The following MPPED2 variants were observed in gnomAD, a reference collection of about 807,000 sequenced individuals.
MPPED2 encodes metallophosphoesterase MPPED2.
MPPED2 carries 5 observed loss-of-function variants against 33.0 expected under a neutral mutation model. The ratio of observed to expected loss-of-function variants is 0.15; its 90% CI spans 0.08 to 0.32. The LOEUF (loss-of-function observed/expected upper bound fraction) is 0.32. Among genes scored for constraint, MPPED2 ranks in the 10% least tolerant of loss-of-function variants. The pLI is 1.00. For missense variants in MPPED2, 275 were observed against 372.1 expected (o/e 0.74, Z 2.15); for synonymous variants, 136 against 141.9 (o/e 0.96, Z 0.29).
intron 4 of MPPED2, among the ~76,000 whole-genome samples, chr11:30,421,319 G>A (rs565887523): frequency 6.6e-6 from 1 of 152,124 alleles, no homozygotes; most frequent in East Asian, 1.9e-4. Context: ...CAAACCTATG[G>A]TCTATATTTA....
chr11:30,396,271 C>T (rs1191379942), intron 6 of MPPED2, among the ~76,000 whole-genome samples: 1 of 152,086 alleles, frequency 6.6e-6, no homozygotes, highest in Non-Finnish European at 1.5e-5. Flanking sequence ...TTTTGAATGC[C>T]CCACCTGCAC....
intron 6 of MPPED2, among the ~76,000 whole-genome samples, chr11:30,392,570 G>A (rs77870334): frequency 1.0e-3 from 156 of 152,272 alleles, no homozygotes; most frequent in Non-Finnish European, 1.7e-3. Flanking sequence ...CCCCATCTGA[G>A]GTCGTTGGAA....
intron 3 of MPPED2, among the ~76,000 whole-genome samples, chr11:30,510,021 C>T (rs1349473062): frequency 1.3e-5 from 2 of 152,172 alleles, no homozygotes; most frequent in Non-Finnish European, 2.9e-5. Context: ...ACTGTGCCTA[C>T]AATCATGAAT....
chr11:30,540,687 C>A (rs1485023699), intron 2 of MPPED2, among the ~76,000 whole-genome samples: 1 of 152,160 alleles, frequency 6.6e-6, no homozygotes, highest in Non-Finnish European at 1.5e-5. Context: ...CAACACCCAG[C>A]ATATACTGGG....
chr11:30,391,040 C>A (rs1485576119), intron 6 of MPPED2, among the ~76,000 whole-genome samples: 2 of 152,050 alleles, frequency 1.3e-5, no homozygotes, highest in Admixed American at 1.3e-4. Context: ...TGCACAGGGG[C>A]CTGGATCCTG....
chr11:30,529,724 G>A (rs1669734869), intron 3 of MPPED2, among the ~76,000 whole-genome samples: 1 of 152,170 alleles, frequency 6.6e-6, no homozygotes, highest in African/African-American at 2.4e-5. Context: ...CTAAAGACCA[G>A]CTCCAAAACT....
intron 2 of MPPED2, among the ~76,000 whole-genome samples, chr11:30,571,715 T>TTCC (rs1956700847): frequency 1.3e-5 from 2 of 152,180 alleles, no homozygotes; most frequent in African/African-American, 4.8e-5. Context: ...CAAGACTCAG[T>TTCC]AAGCTTCTCC....
At chr11:30,564,262 A>C (rs1260137882) in intron 2 of MPPED2, among the ~76,000 whole-genome samples, 1 of 152,138 alleles carries the variant, frequency 6.6e-6, no homozygotes, top group Non-Finnish European at 1.5e-5. Context: ...CATTCAAGCA[A>C]ACATAGGCTT....
At chr11:30,554,648 C>T (rs1455797516) in intron 2 of MPPED2, among the ~76,000 whole-genome samples, 2 of 151,970 alleles carry the variant, frequency 1.3e-5, no homozygotes, top group Admixed American at 6.6e-5. Flanking sequence ...GGGCCTGCCA[C>T]GACGCCCAGC....
intron 3 of MPPED2, among the ~76,000 whole-genome samples, chr11:30,524,820 C>T (rs762330006): frequency 3.9e-5 from 6 of 151,946 alleles, no homozygotes; most frequent in Middle Eastern, 3.2e-3. Flanking sequence ...TATTTGGAGG[C>T]GATATATTTC....
intron 4 of MPPED2, among the ~76,000 whole-genome samples, chr11:30,418,952 A>T (rs1444164831): frequency 6.6e-6 from 1 of 152,210 alleles, no homozygotes; most frequent in African/African-American, 2.4e-5. Flanking sequence ...GTTCACGCTG[A>T]TATGGTGGAG....
intron 2 of MPPED2, among the ~76,000 whole-genome samples, chr11:30,573,760 C>T (rs1001319483): frequency 6.6e-6 from 1 of 152,160 alleles, no homozygotes; most frequent in Non-Finnish European, 1.5e-5. Context: ...GATTTTAGTG[C>T]ACCCATCACC....
At chr11:30,501,919 G>A (rs1283011186) in intron 3 of MPPED2, among the ~76,000 whole-genome samples, 1 of 152,174 alleles carries the variant, frequency 6.6e-6, no homozygotes, top group Non-Finnish European at 1.5e-5. Flanking sequence ...AGACAATCTA[G>A]TGGTTTGAAG....
intron 3 of MPPED2, among the ~76,000 whole-genome samples, chr11:30,512,541 G>A (rs1159974098): frequency 6.6e-6 from 1 of 152,092 alleles, no homozygotes; most frequent in African/African-American, 2.4e-5. Context: ...GAGGGATAAA[G>A]TTTTACCCCA....
At chr11:30,449,676 G>A (rs1949966232) in intron 4 of MPPED2, among the ~76,000 whole-genome samples, 1 of 152,108 alleles carries the variant, frequency 6.6e-6, no homozygotes, top group African/African-American at 2.4e-5. Context: ...TACAGGAAAA[G>A]TTATCTGTTC....
At position 30,481,279 on chromosome 11, in the gene MPPED2, T is replaced by C. The variant is rs548773380; in HGVS notation, c.536+14017A>G. Reference sequence around the variant, plus strand: ...TACACCACAGCCAGGTTACATAAGTTATATTTTCCATAAACTTTTCCTCCT... The same window carrying C: ...TACACCACAGCCAGGTTACATAAGTCATATTTTCCATAAACTTTTCCTCCT... On this transcript the variant is annotated intron_variant, in intron 4 of 6. Coordinates refer to ENST00000358117, the MANE Select transcript of MPPED2 (RefSeq NM_001584.3). Among the ~76,000 whole-genome samples, 4 of 152,250 alleles carry C rather than the reference T, an allele frequency of 2.6e-5. No individual in the cohort carries two copies. In the South Asian group the frequency reaches 8.3e-4, roughly 32 times the overall value.
At chr11:30,522,548 T>A (rs1953932504) in intron 3 of MPPED2, among the ~76,000 whole-genome samples, 1 of 152,102 alleles carries the variant, frequency 6.6e-6, no homozygotes, top group African/African-American at 2.4e-5. Context: ...AAATATTAAT[T>A]AAAAAATAAT....
chr11:30,570,666 T>C (rs1308962517), intron 2 of MPPED2, among the ~76,000 whole-genome samples: 2 of 152,200 alleles, frequency 1.3e-5, no homozygotes, highest in African/African-American at 4.8e-5. Context: ...GGCTAACTCT[T>C]TCAGTAAATT....
rs533902445 is a variant in MPPED2, at chr11:30,482,621, T to C, written c.536+12675A>G. On this transcript the variant is annotated intron_variant, in intron 4 of 6. Coordinates refer to ENST00000358117, the MANE Select transcript of MPPED2 (RefSeq NM_001584.3). ...AAACTCAGACAAAAAGCTTTTTTGG[T>C]CTCGTTCAGATTATTTGATGCAATA... Among the ~76,000 whole-genome samples the C allele has an allele frequency of 6.6e-5, 10 of 152,346 alleles. No homozygotes were observed. In the East Asian group the frequency reaches 1.9e-3, roughly 29 times the overall value.
Sources: gnomAD v4.1 joint callset for allele counts (sites outside exome capture counted in the v4.1 genomes callset) on GRCh38, gnomAD v4.1.1 for gene constraint, MANE v1.5 for transcripts, NCBI Gene and HGNC (gene_info 2026-07-23, HGNC 2026-07-21) for gene names.